The following MACROD2 variants were observed in gnomAD, a reference collection of about 807,000 sequenced individuals.
MACROD2 encodes mono-ADP ribosylhydrolase 2, also known as ADP-ribose glycohydrolase MACROD2.
In MACROD2, 36 loss-of-function variants were observed where a neutral mutation model predicts 70.4. The observed-to-expected ratio is 0.51, with a 90% CI of 0.39 to 0.68. The LOEUF is 0.68. MACROD2 is among the 30% of genes least tolerant of loss of function. The pLI is 0.00. For missense variants in MACROD2, 496 were observed against 538.4 expected (o/e 0.92, Z 0.78); for synonymous variants, 172 against 178.8 (o/e 0.96, Z 0.30).
chr20:14,489,860 C>CTT (rs11356639), intron 3 of MACROD2, among the ~76,000 whole-genome samples: 34 of 143,342 alleles, frequency 2.4e-4, no homozygotes, highest in Non-Finnish European at 3.8e-4. Context: ...TGAAATACTT[C>CTT]TTTTTTTTTT....
At chr20:15,534,012 G>C (rs2047840467) in intron 8 of MACROD2, among the ~76,000 whole-genome samples, 1 of 152,112 alleles carries the variant, frequency 6.6e-6, no homozygotes, top group Non-Finnish European at 1.5e-5. Flanking sequence ...TTTCCCAACT[G>C]TACAGATGAT....
At chr20:14,886,454 G>C (rs1568854396) in intron 5 of MACROD2, among the ~76,000 whole-genome samples, 1 of 152,158 alleles carries the variant, frequency 6.6e-6, no homozygotes, top group Non-Finnish European at 1.5e-5. Context: ...GAAGCATTGG[G>C]AAAGTTTGAG....
At chr20:14,883,807 C>G (rs2073638775) in intron 5 of MACROD2, among the ~76,000 whole-genome samples, 1 of 152,080 alleles carries the variant, frequency 6.6e-6, no homozygotes, top group Non-Finnish European at 1.5e-5. Flanking sequence ...TGTTCACTTA[C>G]AAAATGAAAA....
At chr20:14,154,951 A>G (rs945808041) in intron 3 of MACROD2, among the ~76,000 whole-genome samples, 1 of 152,160 alleles carries the variant, frequency 6.6e-6, no homozygotes, top group African/African-American at 2.4e-5. Flanking sequence ...CTCCTTAAGG[A>G]TGAGAACTAA....
At chr20:15,631,194 A>C (rs2049285427) in intron 8 of MACROD2, among the ~76,000 whole-genome samples, 1 of 152,206 alleles carries the variant, frequency 6.6e-6, no homozygotes, top group African/African-American at 2.4e-5. Context: ...GATACTGCCA[A>C]GTTCTTGCAG....
intron 3 of MACROD2, among the ~76,000 whole-genome samples, chr20:14,387,951 TC>T (rs2083485902): frequency 1.3e-5 from 2 of 152,064 alleles, no homozygotes; most frequent in Admixed American, 1.3e-4. Flanking sequence ...TTTCCTTTTT[TC>T]CCTTTGGTTC....
intron 8 of MACROD2, among the ~76,000 whole-genome samples, chr20:15,854,771 C>T (rs995161241): frequency 2.6e-5 from 4 of 152,154 alleles, no homozygotes; most frequent in African/African-American, 9.7e-5. Flanking sequence ...CCCTTTGCTG[C>T]TCTGTTTATC....
chr20:15,739,103 C>G (rs2051066957), intron 8 of MACROD2, among the ~76,000 whole-genome samples: 1 of 151,812 alleles, frequency 6.6e-6, no homozygotes, highest in Non-Finnish European at 1.5e-5. Context: ...CTTGATGGGG[C>G]CTTGTGACAG....
intron 5 of MACROD2, among the ~76,000 whole-genome samples, chr20:15,029,253 C>T (rs957739693): frequency 1.3e-5 from 2 of 152,200 alleles, no homozygotes; most frequent in Non-Finnish European, 2.9e-5. Context: ...AAGCATTACA[C>T]TTCCTCCAGG....
chr20:14,347,046 A>G (rs2083071519), intron 3 of MACROD2, among the ~76,000 whole-genome samples: 1 of 152,204 alleles, frequency 6.6e-6, no homozygotes, highest in Admixed American at 6.5e-5. Flanking sequence ...TGTGGGTGAG[A>G]AGGTCAGCAA....
intron 8 of MACROD2, among the ~76,000 whole-genome samples, chr20:15,625,131 G>C (rs180965983): frequency 1.3e-5 from 2 of 152,152 alleles, no homozygotes; most frequent in African/African-American, 4.8e-5. Flanking sequence ...TCTAAGAAAT[G>C]AACCTTTTAT....
chr20:15,410,704 G>A (rs1373408756), intron 6 of MACROD2, among the ~76,000 whole-genome samples: 1 of 151,454 alleles, frequency 6.6e-6, no homozygotes, highest in African/African-American at 2.4e-5. Context: ...CCACAAAATA[G>A]TCATCCAGTC....
At chr20:14,684,729 G>A (rs1490215127) in intron 4 of MACROD2, 114 bp from the exon 5 acceptor site, 7 of 740,242 alleles carry the variant, frequency 9.5e-6, no homozygotes, top group Middle Eastern at 3.1e-4. Context: ...TTTCTTCCAC[G>A]GGCTATGGTT....
At chr20:15,999,388 G>A (rs905386657) in intron 15 of MACROD2, among the ~76,000 whole-genome samples, 4 of 152,084 alleles carry the variant, frequency 2.6e-5, no homozygotes, top group Non-Finnish European at 1.5e-5. Flanking sequence ...TTGCTTTATG[G>A]CCTAACATAT....
chr20:14,275,813 C>G (rs976618632), intron 3 of MACROD2, among the ~76,000 whole-genome samples: 1 of 151,872 alleles, frequency 6.6e-6, no homozygotes, highest in African/African-American at 2.4e-5. Context: ...AACAAGTGGG[C>G]GAAGGACATG....
chr20:14,104,276 A>C (rs1464572466), intron 3 of MACROD2, among the ~76,000 whole-genome samples: 3 of 152,186 alleles, frequency 2.0e-5, no homozygotes, highest in Non-Finnish European at 4.4e-5. Flanking sequence ...CTTACCTATA[A>C]AATTTTATTG....
At chr20:14,955,200 T>A (rs2074523099) in intron 5 of MACROD2, among the ~76,000 whole-genome samples, 1 of 133,952 alleles carries the variant, frequency 7.5e-6, no homozygotes, top group Non-Finnish European at 1.5e-5. Context: ...ATATAATATA[T>A]CATTTACATA....
chr20:15,261,125 G>C (rs1170220282), intron 6 of MACROD2, among the ~76,000 whole-genome samples: 1 of 151,886 alleles, frequency 6.6e-6, no homozygotes, highest in Non-Finnish European at 1.5e-5. Flanking sequence ...AAATAAATGA[G>C]GTGCTGCTCT....
chr20:15,289,239 T>A (rs2077520154), intron 6 of MACROD2, among the ~76,000 whole-genome samples: 1 of 152,234 alleles, frequency 6.6e-6, no homozygotes, highest in African/African-American at 2.4e-5. Context: ...CATTTTTTTC[T>A]AACTAACTTT....
Sources: gnomAD v4.1 joint callset for allele counts (sites outside exome capture counted in the v4.1 genomes callset) on GRCh38, gnomAD v4.1.1 for gene constraint, MANE v1.5 for transcripts, NCBI Gene and HGNC (gene_info 2026-07-23, HGNC 2026-07-21) for gene names.